The following TRPS1 variants were observed in gnomAD, a reference collection of about 807,000 sequenced individuals.
TRPS1 encodes zinc finger transcription factor Trps1.
TRPS1 carries 6 observed loss-of-function variants against 101.2 expected under a neutral mutation model. That is an observed-to-expected ratio of 0.06 (90% confidence interval 0.03 to 0.12). The LOEUF is 0.12. Among genes scored for constraint, TRPS1 ranks in the 10% least tolerant of loss-of-function variants. TRPS1 has a pLI of 1.00. For synonymous variants in TRPS1, 578 were observed against 589.8 expected (o/e 0.98, Z 0.29); for missense variants, 1,363 against 1,567.0 (o/e 0.87, Z 2.20).
chr8:115,646,143 T>C (rs1284403808), intron 1 of TRPS1, among the ~76,000 whole-genome samples: 4 of 152,226 alleles, frequency 2.6e-5, no homozygotes, highest in Non-Finnish European at 5.9e-5. Context: ...TCATTATTTA[T>C]AGAAATAAAT....
intron 5 of TRPS1, among the ~76,000 whole-genome samples, chr8:115,433,932 G>T (rs1188260196): frequency 2.0e-5 from 3 of 152,158 alleles, no homozygotes; most frequent in Non-Finnish European, 4.4e-5. Context: ...AAAGAAAGCA[G>T]TGTCTATTTT....
intron 5 of TRPS1, among the ~76,000 whole-genome samples, chr8:115,586,676 A>G (rs951679600): frequency 2.0e-5 from 3 of 152,346 alleles, no homozygotes; most frequent in Middle Eastern, 3.4e-3. Context: ...GCAGATGTAC[A>G]TCCTTCTGGG....
intron 4 of TRPS1, among the ~76,000 whole-genome samples, chr8:115,593,054 G>T (rs548582106): frequency 6.6e-6 from 1 of 152,128 alleles, no homozygotes; most frequent in Non-Finnish European, 1.5e-5. Context: ...CTGGGCTCAA[G>T]GGATCCTCCC....
At chr8:115,564,619 GC>G (rs1383897305) in intron 5 of TRPS1, among the ~76,000 whole-genome samples, 3 of 152,008 alleles carry the variant, frequency 2.0e-5, no homozygotes, top group South Asian at 2.1e-4. Flanking sequence ...AGCTCATAGT[GC>G]CCATTACACA....
Position 115,414,020 on chromosome 8 carries a change from G to A in TRPS1, c.*3C>T. ...CTATTTAATTGTGCTAAGTGCTAAG[G>A]TTTTACTCTTTAGGTTTTCCATTTT... On this transcript the variant is annotated 3_prime_UTR_variant, in exon 7 of 7. Coordinates refer to ENST00000395715, the MANE Select transcript of TRPS1 (RefSeq NM_014112.5). The surrounding 1 kb of genome is among the most constrained non-coding windows in gnomAD (Gnocchi z 4.8). 1 of 1,613,276 alleles carries A rather than the reference G, an allele frequency of 6.2e-7. No homozygotes were observed. Among genetic ancestry groups the A allele is most frequent in the South Asian group, 1.1e-5 (1 of 91,022 alleles).
chr8:115,639,662 C>CTA (rs1554602281), intron 1 of TRPS1, among the ~76,000 whole-genome samples: 1 of 109,320 alleles, frequency 9.1e-6, no homozygotes, highest in African/African-American at 6.4e-5. Flanking sequence ...AACCCAATCT[C>CTA]TACAAAAAAA....
intron 1 of TRPS1, among the ~76,000 whole-genome samples, chr8:115,653,904 T>C (rs949183208): frequency 1.3e-5 from 2 of 152,240 alleles, no homozygotes; most frequent in African/African-American, 4.8e-5. Context: ...CTGAAAGAGC[T>C]TGGGGGCTGT....
intron 5 of TRPS1, among the ~76,000 whole-genome samples, chr8:115,480,105 C>A (rs901507842): frequency 6.6e-6 from 1 of 152,060 alleles, no homozygotes; most frequent in African/African-American, 2.4e-5. Flanking sequence ...CAGGGATTTT[C>A]TTCTGTTCAT....
intron 2 of TRPS1, among the ~76,000 whole-genome samples, chr8:115,621,173 A>G (rs1270418661): frequency 2.0e-5 from 3 of 152,202 alleles, no homozygotes; most frequent in African/African-American, 7.2e-5. Flanking sequence ...TAAAGAATGC[A>G]TTAACAAAGG....
chr8:115,587,007 C>G lies in TRPS1; in HGVS notation c.2694G>C (p.Leu898=). ...AAAAATGAAACCATCCTACCCGTAA[C>G]AGGGACTGGGATTCATCCTTGGACT... is the stretch of plus-strand genomic sequence containing the variant. The part of the protein sequence containing the change: ...ENKSKDESQS[L]LRRRRGSGVF... Residue 898 remains leucine (L), a synonymous_variant, in exon 5 of 7, where the codon CTG becomes CTC. Coordinates refer to ENST00000395715, the MANE Select transcript of TRPS1 (RefSeq NM_014112.5). 5 of 1,614,202 alleles carry G rather than the reference C, an allele frequency of 3.1e-6. No individual in the cohort carries two copies. The highest frequency in any genetic ancestry group is 3.4e-6 in the Non-Finnish European group (4 of 1,180,032).
intron 5 of TRPS1, among the ~76,000 whole-genome samples, chr8:115,507,555 C>A (rs1815477370): frequency 6.6e-6 from 1 of 152,000 alleles, no homozygotes; most frequent in Admixed American, 6.6e-5. Context: ...CTACACGCAA[C>A]TTTATCCCGG....
At chr8:115,471,510 C>A (rs772058877) in intron 5 of TRPS1, among the ~76,000 whole-genome samples, 2 of 152,104 alleles carry the variant, frequency 1.3e-5, no homozygotes, top group Admixed American at 1.3e-4. Flanking sequence ...GAGATTTGGG[C>A]AGGGATATAG....
intron 5 of TRPS1, among the ~76,000 whole-genome samples, chr8:115,546,505 T>C (rs1816576079): frequency 1.3e-5 from 2 of 151,540 alleles, no homozygotes; most frequent in Non-Finnish European, 2.9e-5. Context: ...TTATCCTTAG[T>C]GTTTCAAGAA....
At chr8:115,613,723 T>C (rs1233114742) in intron 3 of TRPS1, among the ~76,000 whole-genome samples, 1 of 152,180 alleles carries the variant, frequency 6.6e-6, no homozygotes, top group African/African-American at 2.4e-5. Context: ...CATTAATACA[T>C]GTAAAAAACT....
intron 5 of TRPS1, among the ~76,000 whole-genome samples, chr8:115,476,010 T>TC (rs1814599087): frequency 3.4e-5 from 1 of 29,636 alleles, no homozygotes. Flanking sequence ...ACTTTCTTTT[T>TC]TTTTTTTTTT....
chr8:115,652,824 A>C (rs1256160425), intron 1 of TRPS1, among the ~76,000 whole-genome samples: 1 of 152,240 alleles, frequency 6.6e-6, no homozygotes, highest in Non-Finnish European at 1.5e-5. Context: ...TCATGAGGTC[A>C]AGTATAAAAT....
At chr8:115,467,684 T>A (rs553313199) in intron 5 of TRPS1, among the ~76,000 whole-genome samples, 6 of 152,214 alleles carry the variant, frequency 3.9e-5, no homozygotes, top group Admixed American at 2.6e-4. Flanking sequence ...AGCTATAAAG[T>A]CACTAAGGGG....
intron 5 of TRPS1, among the ~76,000 whole-genome samples, chr8:115,534,544 T>G (rs1024361936): frequency 6.6e-6 from 1 of 152,238 alleles, no homozygotes; most frequent in South Asian, 2.1e-4. Context: ...GTGATGGTAT[T>G]TGGGGAGCAA....
At chr8:115,536,566 C>A (rs2130292256) in intron 5 of TRPS1, among the ~76,000 whole-genome samples, 1 of 150,044 alleles carries the variant, frequency 6.7e-6, no homozygotes, top group Non-Finnish European at 1.5e-5. Context: ...TTGTAAAATG[C>A]CATTTACATA....
Sources: allele counts gnomAD v4.1 joint callset (sites outside exome capture counted in the v4.1 genomes callset), GRCh38; gene constraint gnomAD v4.1.1; non-coding constraint Gnocchi (gnomAD v3.1); transcripts MANE v1.5; gene names NCBI Gene and HGNC (gene_info 2026-07-23, HGNC 2026-07-21).